PPFIA4: variants seen among roughly 807,000 people sequenced by gnomAD.
The protein encoded by PPFIA4 is liprin-alpha-4.
PPFIA4 carries 98 observed loss-of-function variants against 145.7 expected under a neutral mutation model. The observed-to-expected ratio is 0.67, with a 90% CI of 0.57 to 0.80. PPFIA4 has a LOEUF of 0.80. Ranked by LOEUF, PPFIA4 falls within the 30% of genes least tolerant of loss-of-function variation. The probability of loss-of-function intolerance (pLI) is 0.00; values close to 1 mark genes in which losing one functional copy is unlikely to be tolerated. For missense variants in PPFIA4, 1,457 were observed against 1,632.7 expected, an observed-to-expected ratio of 0.89 and a Z score of 1.85; for synonymous variants, 628 against 649.6, an observed-to-expected ratio of 0.97 and a Z score of 0.51.
chr1:203,033,265 G>A (rs1490498960), intron 1 of PPFIA4, among the ~76,000 whole-genome samples: 1 of 152,156 alleles, frequency 6.6e-6, no homozygotes, highest in Non-Finnish European at 1.5e-5. Flanking sequence ...AGTCGTGTTG[G>A]GGGCCCAGAG....
intron 9 of PPFIA4, 152 bp downstream of exon 9, chr1:203,046,534 G>C: frequency 1.2e-6 from 1 of 839,048 alleles, no homozygotes; most frequent in African/African-American, 1.7e-5. Context: ...ACACTGCCTT[G>C]TGCCTGTCAG....
intron 2 of PPFIA4, 42 bp downstream of exon 2, chr1:203,039,284 C>A: frequency 7.0e-7 from 1 of 1,435,008 alleles, no homozygotes; most frequent in Non-Finnish European, 9.3e-7. Flanking sequence ...CCCTTTCCCT[C>A]CTCTAGCCCT....
In PPFIA4 at chr1:203,044,810, A is replaced by G. The variant is rs1571682688; in HGVS notation, c.666+25A>G. 3.9e-6 allele frequency: 6 copies of G among 1,549,540 alleles called. No individual in the cohort carries two copies. The East Asian group carries it at 1.5e-4, about 38-fold the overall frequency. The stretch of plus-strand genomic sequence containing the variant: ...GGTAGGTCATGGAGAGCTGTGTAGC[A>G]GGGGTCATGTGTTCCCCAAGGTGGG... On this transcript the variant is annotated intron_variant, in intron 6 of 29. Transcript: ENST00000295706.
intron 1 of PPFIA4, among the ~76,000 whole-genome samples, chr1:203,026,903 AG>A (rs1263564705): frequency 1.3e-5 from 2 of 151,660 alleles, no homozygotes; most frequent in Non-Finnish European, 2.9e-5. Flanking sequence ...GCTTCAGGGG[AG>A]GGGGCCGAGT....
At chr1:203,040,036 C>T (rs1421520883) in intron 2 of PPFIA4, among the ~76,000 whole-genome samples, 2 of 152,230 alleles carry the variant, frequency 1.3e-5, no homozygotes, top group Non-Finnish European at 2.9e-5. Context: ...TTATCACCCA[C>T]TTGGTAGATA....
intron 2 of PPFIA4, among the ~76,000 whole-genome samples, chr1:203,039,826 C>A (rs542096484): frequency 1.3e-5 from 2 of 152,350 alleles, no homozygotes; most frequent in South Asian, 2.1e-4. Flanking sequence ...TAAACTCTTA[C>A]AACCCTGAAG....
At chr1:203,051,916 C>T (rs763409829) in intron 14 of PPFIA4, 39 bp downstream of exon 14, 1 of 1,596,924 alleles carries the variant, frequency 6.3e-7, no homozygotes, top group Admixed American at 1.7e-5. Flanking sequence ...AGTTTGGGGT[C>T]AATTCGGCCG....
At chr1:203,062,205 C>T (rs1166308375) in intron 24 of PPFIA4, among the ~76,000 whole-genome samples, 7 of 151,620 alleles carry the variant, frequency 4.6e-5, no homozygotes, top group Non-Finnish European at 1.0e-4. Flanking sequence ...CGGCTGGGCG[C>T]GGTGGCTGAC....
At position 203,048,167 on chromosome 1, in the gene PPFIA4, C is replaced by T. The variant is rs1558077430; in HGVS notation, c.1141-60C>T. 1.4e-5 allele frequency: 22 copies of T among 1,539,472 alleles called. No individual in the cohort carries two copies. The highest frequency in any genetic ancestry group is 2.3e-5 in the South Asian group (2 of 87,124). ...CCCTGGCACCAGGGTGCAGGGGATGCGGGGCCTGAGCAGGAAGAACAGAGA... is the reference window on the plus strand; with the variant it reads ...CCCTGGCACCAGGGTGCAGGGGATGTGGGGCCTGAGCAGGAAGAACAGAGA... On this transcript the variant is annotated intron_variant, in intron 9 of 29. Transcript: ENST00000295706. This position sits in a 1 kb window ranked among gnomAD's most constrained non-coding sequence, Gnocchi z 5.8.
chr1:203,075,281 G>A lies in PPFIA4; in HGVS notation c.3394-296G>A, dbSNP rs1662440043. Among the ~76,000 whole-genome samples the A allele has an allele frequency of 6.6e-6, 1 of 152,102 alleles. No individual in the cohort carries two copies. The highest frequency in any genetic ancestry group is 1.5e-5 in the Non-Finnish European group (1 of 68,008). ...CCAAGCCTACTTTGAGAAGATTGCG[G>A]TGGGCTGGGAAACAGTTCAACTGCA... On this transcript the variant is annotated intron_variant, in intron 28 of 29. Coordinates refer to ENST00000295706, the MANE Select transcript of PPFIA4 (RefSeq NM_001304331.2). This position sits in a 1 kb window ranked among gnomAD's most constrained non-coding sequence, Gnocchi z 4.1.
chr1:203,054,508 A>G (rs1660766862), intron 15 of PPFIA4, among the ~76,000 whole-genome samples: 1 of 152,186 alleles, frequency 6.6e-6, no homozygotes. Context: ...GTGACAGGGA[A>G]CGTTGTGAAA....
At chr1:203,054,053 T>TA (rs1188963739) in intron 15 of PPFIA4, 92 bp downstream of exon 15, 215 of 1,361,848 alleles carry the variant, frequency 1.6e-4, no homozygotes, top group Non-Finnish European at 2.1e-4. Context: ...GCCCAACTCT[T>TA]ATAGCTGCAA....
rs1162820304 is a variant in PPFIA4 at position 203,056,121 on chromosome 1, C to G, written c.2072C>G (p.Pro691Arg). The stretch of plus-strand genomic sequence containing the variant: ...CTTACCCATCCCTCTCTCTTGCAGC[C>G]CAGTGACTTAAGAAAGCATAGGAGG... ...DLDRMGVMTL[P>R]SDLRKHRRKL... Residue 691 changes from proline to arginine, a missense_variant and splice_region_variant, in exon 17 of 30, where the codon CCC (proline) becomes CGC (arginine). Physicochemically the swap from Pro to Arg is moderately radical, Grantham distance 103. Transcript: ENST00000295706. 1.9e-6 allele frequency: 3 copies of G among 1,614,020 alleles called. No individual in the cohort carries two copies. Among genetic ancestry groups the G allele is most frequent in the Non-Finnish European group, 2.5e-6 (3 of 1,179,872 alleles).
intron 2 of PPFIA4, among the ~76,000 whole-genome samples, chr1:203,040,355 A>G (rs935120917): frequency 2.6e-5 from 4 of 152,260 alleles, no homozygotes; most frequent in Admixed American, 2.6e-4. Context: ...GAGGAGCCGA[A>G]GAGCTCAAGC....
chr1:203,033,135 A>G (rs142380046), intron 1 of PPFIA4, among the ~76,000 whole-genome samples: 3 of 152,282 alleles, frequency 2.0e-5, no homozygotes, highest in East Asian at 1.9e-4. Context: ...GAACTGTTTC[A>G]TGTCTGTTAC....
In PPFIA4 at chr1:203,068,499, T is replaced by G; in HGVS notation, c.3195T>G (p.Ser1065=). Residue 1065 remains serine (S), a synonymous_variant, in exon 27 of 30, where the codon TCT becomes TCG. Transcript: ENST00000295706. The surrounding 1 kb of genome is among the most constrained non-coding windows in gnomAD (Gnocchi z 4.7). ...ACCAGGTGGTTCATTGGGTCCAGTC[T>G]ATTGGGCTCCGGGACTACGCAGGAA... ...TNDQVVHWVQ[S]IGLRDYAGNL... 6.2e-7 allele frequency: 1 copy of G among 1,609,426 alleles called. No homozygotes were observed. The highest frequency in any genetic ancestry group is 8.5e-7 in the Non-Finnish European group (1 of 1,177,930).
At chr1:203,044,509 C>A in intron 5 of PPFIA4, 56 bp downstream of exon 5, 1 of 1,506,096 alleles carries the variant, frequency 6.6e-7, no homozygotes, top group Non-Finnish European at 9.0e-7. Flanking sequence ...GCTGGTTCAC[C>A]CCTGTGCCCT....
chr1:203,063,770 C>T, intron 24 of PPFIA4, 58 bp from the exon 25 acceptor site: 20 of 1,587,664 alleles, frequency 1.3e-5, no homozygotes, highest in Non-Finnish European at 1.7e-5. Flanking sequence ...ATACCAGCCT[C>T]AGCCTGCTGG....
chr1:203,035,695 A>G (rs1430192489), intron 1 of PPFIA4: 2 of 456,354 alleles, frequency 4.4e-6, no homozygotes, highest in Non-Finnish European at 8.8e-6. Flanking sequence ...TTAGGCTGAG[A>G]TGATAATTGC....
Sources: gnomAD v4.1 joint callset for allele counts (sites outside exome capture counted in the v4.1 genomes callset) on GRCh38, gnomAD v4.1.1 for gene constraint, Gnocchi (gnomAD v3.1) non-coding constraint, MANE v1.5 for transcripts, NCBI Gene and HGNC (gene_info 2026-07-23, HGNC 2026-07-21) for gene names.